VCAN: variants seen among roughly 807,000 people sequenced by gnomAD.
The protein encoded by VCAN is versican, also known as versican core protein.
VCAN carries 44 observed loss-of-function variants against 245.5 expected under a neutral mutation model. That is an observed-to-expected ratio of 0.18 (90% confidence interval 0.14 to 0.23). The LOEUF (loss-of-function observed/expected upper bound fraction) is 0.23, where lower values mean the gene tolerates loss of function less well. Among genes scored for constraint, VCAN ranks in the 10% least tolerant of loss-of-function variants. The pLI is 1.00. For synonymous variants in VCAN, 1,413 were observed against 1,437.0 expected, an observed-to-expected ratio of 0.98 and a Z score of 0.38; for missense variants, 3,793 against 4,057.9, an observed-to-expected ratio of 0.93 and a Z score of 1.77.
In VCAN at chr5:83,553,366, A is replaced by G; in HGVS notation, c.9496A>G (p.Thr3166Ala). 6.2e-7 allele frequency: 1 copy of G among 1,614,030 alleles called. No individual in the cohort carries two copies. Among genetic ancestry groups the G allele is most frequent in the Non-Finnish European group, 8.5e-7 (1 of 1,179,938 alleles). ...SYVGALCEQD[T>A]ETCDYGWHKF... ...AGCTCCTGCCTGTTTCTTCTCAGAT[A>G]CCGAGACATGTGACTATGGCTGGCA... The change falls in exon 11 of 15, where the codon ACC becomes GCC. Residue 3166 changes from threonine to alanine, a missense_variant and splice_region_variant. Thr to Ala is a moderately conservative substitution (Grantham distance 58, BLOSUM62 0). Around this residue, in one of 5 missense-constraint regions of VCAN, gnomAD observed 205 missense variants for 321.1 expected, o/e 0.64. Transcript: ENST00000265077.
At chr5:83,548,170 T>G in intron 10 of VCAN, 86 bp downstream of exon 10, 2 of 972,960 alleles carry the variant, frequency 2.1e-6, no homozygotes, top group South Asian at 1.3e-5. Context: ...TTTCCTGCAG[T>G]GGAAATTCAC....
At chr5:83,518,339 ATTTCTTTCAACAGGCCAGGCCAT>A (rs1400514308) in intron 6 of VCAN, among the ~76,000 whole-genome samples, 1 of 152,138 alleles carries the variant, frequency 6.6e-6, no homozygotes. Flanking sequence ...CACAATTTAA[ATTTCTTTCAACAGGCCAGGCCAT>A]TCTCTGTAAA....
At chr5:83,533,061 T>C (rs1357000715) in intron 7 of VCAN, among the ~76,000 whole-genome samples, 2 of 152,160 alleles carry the variant, frequency 1.3e-5, no homozygotes, top group Admixed American at 1.3e-4. Flanking sequence ...AAACCTCAAA[T>C]ACACAATAGA....
chr5:83,505,947 C>A (rs988436160), intron 5 of VCAN, among the ~76,000 whole-genome samples: 1 of 152,224 alleles, frequency 6.6e-6, no homozygotes, highest in Non-Finnish European at 1.5e-5. Context: ...GAAGCCACAG[C>A]CCAAGCTGTA....
chr5:83,579,865 T>A (rs1748607910), intron 13 of VCAN, 115 bp from the exon 14 acceptor site: 1 of 1,099,024 alleles, frequency 9.1e-7, no homozygotes, highest in Admixed American at 2.1e-5. Flanking sequence ...TCTAAAAGAT[T>A]GCCTTTGATG....
At chr5:83,530,052 G>A (rs2112426989) in intron 7 of VCAN, among the ~76,000 whole-genome samples, 1 of 152,190 alleles carries the variant, frequency 6.6e-6, no homozygotes, top group South Asian at 2.1e-4. Flanking sequence ...ACCCGACATA[G>A]GTTGTGTTTT....
At chr5:83,569,777 A>G (rs913922354) in intron 12 of VCAN, among the ~76,000 whole-genome samples, 4 of 152,138 alleles carry the variant, frequency 2.6e-5, no homozygotes, top group African/African-American at 7.2e-5. Flanking sequence ...CAAATTTAAT[A>G]TTTGGCGAAC....
chr5:83,479,270 T>C (rs1035388838), intron 1 of VCAN, among the ~76,000 whole-genome samples: 10 of 152,026 alleles, frequency 6.6e-5, no homozygotes, highest in Admixed American at 5.9e-4. Context: ...TGTCCTTAAG[T>C]CACCCCTTGT....
In VCAN at chr5:83,521,548, T is replaced by C; in HGVS notation, c.3242T>C (p.Leu1081Ser). 6.2e-7 allele frequency: 1 copy of C among 1,614,036 alleles called. No individual in the cohort carries two copies. The highest frequency in any genetic ancestry group is 8.5e-7 in the Non-Finnish European group (1 of 1,180,006). ...TATACAGTCTCTGAAGATGAATTGT[T>C]GACAGGTTCTGAGAGGGTCCCAGTT... is the stretch of plus-strand genomic sequence containing the variant. ...SAYTVSEDEL[L>S]TGSERVPVLE... The change falls in exon 7 of 15, where the codon TTG (leucine) becomes TCG (serine). Residue 1081 changes from leucine to serine, a missense_variant. Physicochemically the swap from Leu to Ser is moderately radical, Grantham distance 145 (BLOSUM62 -2). This residue lies in a region of VCAN where 3,182 missense variants were observed against 3,250.3 expected (regional missense o/e 0.98). Coordinates refer to ENST00000265077, the MANE Select transcript of VCAN (RefSeq NM_004385.5).
At chr5:83,480,503 G>A (rs1049145942) in intron 1 of VCAN, among the ~76,000 whole-genome samples, 5 of 152,136 alleles carry the variant, frequency 3.3e-5, no homozygotes, top group Non-Finnish European at 7.4e-5. Flanking sequence ...TATTTCAGGT[G>A]TTAAGGAATT....
At chr5:83,479,809 G>T (rs895547547) in intron 1 of VCAN, among the ~76,000 whole-genome samples, 1 of 152,220 alleles carries the variant, frequency 6.6e-6, no homozygotes, top group Non-Finnish European at 1.5e-5. Context: ...AGAGGGAATG[G>T]AAATGTAGTT....
rs561187342 is a variant in VCAN, at chr5:83,512,107, T to C, written c.753T>C (p.Asp251=). ...VYCYVDHLDG[D]VFHLTVPSKF... The stretch of plus-strand genomic sequence containing the variant: ...TTTCCCTTCTTTTTTTTCCAGGTGA[T>C]GTGTTCCACCTCACTGTCCCCAGTA... The change falls in exon 6 of 15, where the codon GAT becomes GAC. Residue 251 remains aspartate (D), a synonymous_variant. Transcript: ENST00000265077. The C allele has an allele frequency of 6.2e-7, 1 of 1,614,146 alleles. No individual in the cohort carries two copies. Among genetic ancestry groups the C allele is most frequent in the South Asian group, 1.1e-5 (1 of 91,072 alleles).
chr5:83,490,178 A>T lies in VCAN; in HGVS notation c.151A>T (p.Thr51Ser). ...ACCTTGTCATTTTTCAACGATGCCT[A>T]CTTTGCCACCCAGTTACAACACCAG... ...SLPCHFSTMP[T>S]LPPSYNTSEF... The change falls in exon 3 of 15, where the codon ACT (threonine) becomes TCT (serine). Residue 51 changes from threonine to serine, a missense_variant. Thr to Ser is a moderately conservative substitution (Grantham distance 58). Transcript: ENST00000265077. The T allele has an allele frequency of 6.2e-7, 1 of 1,614,134 alleles. No individual in the cohort carries two copies. Among genetic ancestry groups the T allele is most frequent in the Non-Finnish European group, 8.5e-7 (1 of 1,180,024 alleles).
In VCAN at chr5:83,538,579, C is replaced by G; in HGVS notation, c.5576C>G (p.Ala1859Gly). Reference protein sequence around the residue: ...VSSFSLNVEYAIQAEKEVAGT... With the variant: ...VSSFSLNVEYGIQAEKEVAGT... ...TCATTTTCATTAAACGTAGAGTATG[C>G]AATTCAAGCCGAAAAGGAAGTAGCT... The change falls in exon 8 of 15, where the codon GCA becomes GGA. Residue 1859 changes from alanine (A) to glycine (G), a missense_variant. Transcript: ENST00000265077. The G allele has an allele frequency of 6.2e-7, 1 of 1,613,974 alleles. No individual in the cohort carries two copies. Among genetic ancestry groups the G allele is most frequent in the African/African-American group, 1.3e-5 (1 of 74,984 alleles).
intron 5 of VCAN, among the ~76,000 whole-genome samples, chr5:83,504,375 C>A (rs912834987): frequency 6.6e-6 from 1 of 151,452 alleles, no homozygotes; most frequent in African/African-American, 2.4e-5. Context: ...TATGTATATA[C>A]CTTGATGAAT....
At position 83,581,317 on chromosome 5, in the gene VCAN, C is replaced by CAAAAAAAAAAAAAA. The variant is rs70975508; in HGVS notation, c.*895_*908dup. ...GGGTGGGGGATTGTTAAAACACATG[C>CAAAAAAAAAAAAAA]AAAAAAAAAAAAAAAAAAAAAAAAA... On this transcript the variant is annotated 3_prime_UTR_variant, in exon 15 of 15. Coordinates refer to ENST00000265077, the MANE Select transcript of VCAN (RefSeq NM_004385.5). 8.6e-6 allele frequency: 1 copy of CAAAAAAAAAAAAAA among 116,884 alleles called. No individual in the cohort carries two copies. The highest frequency in any genetic ancestry group is 3.4e-5 in the African/African-American group (1 of 29,000). 7.2% of individuals were successfully genotyped at this position (116,884 alleles called of 1,614,324 possible).
At chr5:83,481,429 C>CTG in intron 1 of VCAN, among the ~76,000 whole-genome samples, 1 of 151,988 alleles carries the variant, frequency 6.6e-6, no homozygotes, top group Non-Finnish European at 1.5e-5. Context: ...TTTACTTTGG[C>CTG]TGTGCAATTG....
chr5:83,569,785 A>T (rs1460715518), intron 12 of VCAN, among the ~76,000 whole-genome samples: 1 of 152,158 alleles, frequency 6.6e-6, no homozygotes, highest in Non-Finnish European at 1.5e-5. Flanking sequence ...ATATTTGGCG[A>T]ACTCTGGAAT....
At chr5:83,528,156 A>G (rs575984635) in intron 7 of VCAN, among the ~76,000 whole-genome samples, 2 of 152,348 alleles carry the variant, frequency 1.3e-5, no homozygotes, top group South Asian at 4.1e-4. Context: ...GTCATACTAA[A>G]CATATAGTTA....
Sources: allele counts gnomAD v4.1 joint callset (sites outside exome capture counted in the v4.1 genomes callset), GRCh38; gene constraint gnomAD v4.1.1; regional missense constraint gnomAD v4.1.1; transcripts MANE v1.5; gene names NCBI Gene and HGNC (gene_info 2026-07-23, HGNC 2026-07-21).